Variants in CFAP77 observed in about 807,000 individuals in gnomAD.
The protein encoded by CFAP77 is cilia- and flagella-associated protein 77.
CFAP77 carries 25 observed loss-of-function variants against 31.1 expected under a neutral mutation model. The observed-to-expected ratio is 0.80, with a 90% CI of 0.59 to 1.12. The LOEUF (loss-of-function observed/expected upper bound fraction) is 1.12, where lower values mean the gene tolerates loss of function less well. Among genes scored for constraint, CFAP77 ranks in the 50% most tolerant of loss-of-function variants. The pLI is 0.00. For missense variants in CFAP77, 377 were observed against 397.3 expected (o/e 0.95, Z 0.44); for synonymous variants, 151 against 159.9 (o/e 0.94, Z 0.42).
At chr9:132,468,856 A>T (rs550314526) in intron 1 of CFAP77, among the ~76,000 whole-genome samples, 4 of 152,026 alleles carry the variant, frequency 2.6e-5, no homozygotes, top group African/African-American at 9.7e-5. Flanking sequence ...CTCTCAGCCT[A>T]TGTATACAAA....
intron 3 of CFAP77, among the ~76,000 whole-genome samples, chr9:132,504,598 T>C (rs1020027022): frequency 6.6e-6 from 1 of 152,248 alleles, no homozygotes; most frequent in African/African-American, 2.4e-5. Context: ...CATAAAGCTT[T>C]ATCTTTATCA....
chr9:132,494,534 AGCTGC>A (rs1342569353), intron 1 of CFAP77, among the ~76,000 whole-genome samples: 1 of 152,198 alleles, frequency 6.6e-6, no homozygotes, highest in Non-Finnish European at 1.5e-5. Flanking sequence ...TCATGAATTG[AGCTGC>A]TATGTGCATC....
chr9:132,486,090 A>ATATTTT (rs1281539306), intron 1 of CFAP77, among the ~76,000 whole-genome samples: 1 of 15,356 alleles, frequency 6.5e-5, no homozygotes, highest in African/African-American at 4.3e-4. Flanking sequence ...ATATATATAT[A>ATATTTT]TTTTTTTTTT....
At chr9:132,468,779 GCA>G (rs1447588645) in intron 1 of CFAP77, among the ~76,000 whole-genome samples, 1 of 118,260 alleles carries the variant, frequency 8.5e-6, no homozygotes, top group South Asian at 3.0e-4. Flanking sequence ...GAAAGAATAA[GCA>G]CACACACACG....
rs887240876 is a variant in CFAP77 at position 132,565,678 on chromosome 9, C to T, written c.733-6710C>T. On this transcript the variant is annotated intron_variant, in intron 5 of 5. Coordinates refer to ENST00000393216, the MANE Select transcript of CFAP77 (RefSeq NM_001282957.2). The surrounding 1 kb of genome is among the most constrained non-coding windows in gnomAD (Gnocchi z 4.1). ...CTTGTCTAAATGTCACAAACAATCA[C>T]ATGTACAGTGTGTTTAGTGACCGCT... Among the ~76,000 whole-genome samples, 1 of 152,104 alleles carries T rather than the reference C, an allele frequency of 6.6e-6. No individual in the cohort carries two copies. The highest frequency in any genetic ancestry group is 2.4e-5 in the African/African-American group (1 of 41,428).
intron 1 of CFAP77, among the ~76,000 whole-genome samples, chr9:132,458,192 G>C (rs4962066): frequency 0.21 from 31,239 of 152,228 alleles, 3,350 homozygotes; most frequent in Admixed American, 0.29. Context: ...AGAACATAAA[G>C]AGGGACCCCG....
At chr9:132,491,017 G>A (rs1488822897) in intron 1 of CFAP77, among the ~76,000 whole-genome samples, 1 of 152,092 alleles carries the variant, frequency 6.6e-6, no homozygotes, top group Non-Finnish European at 1.5e-5. Flanking sequence ...GTGTGTGTGG[G>A]TGCGCCCTGC....
Position 132,424,878 on chromosome 9 carries a change from G to A in CFAP77, c.195+14412G>A, listed in dbSNP as rs1454327354. ...CATCCCCTCCTCCTCTCCCAAACAC[G>A]GCTCCCTTCTTCTCCCCACCTCCCT... On this transcript the variant is annotated intron_variant, in intron 1 of 5. Coordinates refer to ENST00000393216, the MANE Select transcript of CFAP77 (RefSeq NM_001282957.2). This position sits in a 1 kb window ranked among gnomAD's most constrained non-coding sequence, Gnocchi z 4.1. 6.6e-5 allele frequency among the ~76,000 whole-genome samples: 10 copies of A among 152,074 alleles called. No individual in the cohort carries two copies. The highest frequency in any genetic ancestry group is 1.9e-4 in the African/African-American group (8 of 41,396).
rs111465967 is a variant in CFAP77 at position 132,410,415 on chromosome 9, G to A, written c.144G>A (p.Glu48=). Residue 48 remains glutamate (E), a synonymous_variant, in exon 1 of 6, where the codon GAG becomes GAA. Coordinates refer to ENST00000393216, the MANE Select transcript of CFAP77 (RefSeq NM_001282957.2). ...VADIRSGMEN[E]RLGVVRDSMF... The stretch of plus-strand genomic sequence containing the variant: ...ACATCCGTTCCGGCATGGAGAACGA[G>A]CGGCTGGGGGTCGTGCGGGACTCCA... 0.039 allele frequency: 63,105 copies of A among 1,601,474 alleles called. 1,360 individuals carry two copies. The highest frequency in any genetic ancestry group is 0.054 in the African/African-American group (3,923 of 72,796).
chr9:132,546,192 C>T (rs72767821), intron 5 of CFAP77, among the ~76,000 whole-genome samples: 21,197 of 152,186 alleles, frequency 0.14, 1,710 homozygotes, highest in African/African-American at 0.23. Context: ...CTGAGCCTCC[C>T]CTTTCTCCCC....
intron 3 of CFAP77, among the ~76,000 whole-genome samples, chr9:132,514,528 T>G (rs1852110095): frequency 6.6e-6 from 1 of 152,172 alleles, no homozygotes; most frequent in South Asian, 2.1e-4. Flanking sequence ...AGTCGGTTTC[T>G]GAGTGGCCTG....
Position 132,439,662 on chromosome 9 carries a change from T to C in CFAP77, c.195+29196T>C, listed in dbSNP as rs570690441. ...GAGATCGAGACCATCCTGGCTAACA[T>C]GGTGAAACCCTGTCTTTACTAAAAA... On this transcript the variant is annotated intron_variant, in intron 1 of 5. Coordinates refer to ENST00000393216, the MANE Select transcript of CFAP77 (RefSeq NM_001282957.2). Among the ~76,000 whole-genome samples, 87 of 152,026 alleles carry C rather than the reference T, an allele frequency of 5.7e-4. 1 individual carries two copies. In the South Asian group the frequency reaches 6.2e-3, roughly 11 times the overall value.
intron 1 of CFAP77, among the ~76,000 whole-genome samples, chr9:132,478,096 A>T (rs954828692): frequency 6.6e-6 from 1 of 152,052 alleles, no homozygotes; most frequent in African/African-American, 2.4e-5. Context: ...CCCAAATCTC[A>T]TGTGGAATTG....
At chr9:132,430,210 C>A (rs1850389194) in intron 1 of CFAP77, among the ~76,000 whole-genome samples, 1 of 151,994 alleles carries the variant, frequency 6.6e-6, no homozygotes, top group South Asian at 2.1e-4. Flanking sequence ...GATAGAGCTC[C>A]CTTTCTTATT....
chr9:132,540,124 C>G (rs1306035827), intron 4 of CFAP77, among the ~76,000 whole-genome samples: 2 of 151,992 alleles, frequency 1.3e-5, no homozygotes, highest in African/African-American at 2.4e-5. Flanking sequence ...GAGACGGGGT[C>G]TCACCTTGTT....
intron 5 of CFAP77, among the ~76,000 whole-genome samples, chr9:132,559,496 C>T (rs775708805): frequency 6.6e-5 from 10 of 152,068 alleles, no homozygotes; most frequent in Admixed American, 1.3e-4. Context: ...CTTCACTCCC[C>T]CTACAACGGC....
In CFAP77 at chr9:132,497,805, A is replaced by G. The variant is rs1851769167; in HGVS notation, c.196-890A>G. Among the ~76,000 whole-genome samples, 1 of 152,162 alleles carries G rather than the reference A, an allele frequency of 6.6e-6. No homozygotes were observed. Among genetic ancestry groups the G allele is most frequent in the South Asian group, 2.1e-4 (1 of 4,830 alleles). On this transcript the variant is annotated intron_variant, in intron 1 of 5. Transcript: ENST00000393216. The surrounding 1 kb of genome is among the most constrained non-coding windows in gnomAD (Gnocchi z 4.9). ...GCCTGGGATGCAGTCCGAACCCAGC[A>G]AGTGCCCACTGATGCAGCGGGTGCG...
chr9:132,484,836 A>G (rs1851510521), intron 1 of CFAP77, among the ~76,000 whole-genome samples: 1 of 148,948 alleles, frequency 6.7e-6, no homozygotes, highest in Admixed American at 6.7e-5. Flanking sequence ...GGGTAATTTC[A>G]TCTTTAACTT....
chr9:132,493,734 C>T (rs1051103764), intron 1 of CFAP77, among the ~76,000 whole-genome samples: 7 of 152,244 alleles, frequency 4.6e-5, no homozygotes, highest in Admixed American at 2.6e-4. Context: ...CATGGAGGAG[C>T]GCACCCCTTG....
Sources: allele counts gnomAD v4.1 joint callset (sites outside exome capture counted in the v4.1 genomes callset), GRCh38; gene constraint gnomAD v4.1.1; non-coding constraint Gnocchi (gnomAD v3.1); transcripts MANE v1.5; gene names NCBI Gene and HGNC (gene_info 2026-07-23, HGNC 2026-07-21).